NTM: variants seen among roughly 807,000 people sequenced by gnomAD.
NTM encodes IgLON family member 2.
In NTM, 13 loss-of-function variants were observed where a neutral mutation model predicts 42.1. The observed-to-expected ratio is 0.31, with a 90% CI of 0.20 to 0.49. The LOEUF (loss-of-function observed/expected upper bound fraction) is 0.49. NTM is among the 20% of genes least tolerant of loss of function. The pLI is 0.99. For synonymous variants in NTM, 187 were observed against 179.2 expected, an observed-to-expected ratio of 1.04 and a Z score of -0.35; for missense variants, 373 against 452.8, an observed-to-expected ratio of 0.82 and a Z score of 1.60.
intron 3 of NTM, among the ~76,000 whole-genome samples, chr11:132,178,434 A>G (rs2077121391): frequency 6.6e-6 from 1 of 152,202 alleles, no homozygotes; most frequent in African/African-American, 2.4e-5. Context: ...AAAAATTTAT[A>G]TTGACATTTA....
chr11:131,818,884 A>G (rs144196964), intron 1 of NTM, among the ~76,000 whole-genome samples: 1 of 152,280 alleles, frequency 6.6e-6, no homozygotes, highest in East Asian at 1.9e-4. Flanking sequence ...GTACACGGAA[A>G]AGGAACTCAG....
chr11:131,545,247 A>G (rs1450215335), intron 1 of NTM, among the ~76,000 whole-genome samples: 1 of 152,156 alleles, frequency 6.6e-6, no homozygotes, highest in East Asian at 1.9e-4. Context: ...TTATCTTACC[A>G]TCTTTTTAAA....
At chr11:131,711,504 G>C (rs1325636241) in intron 1 of NTM, among the ~76,000 whole-genome samples, 1 of 152,214 alleles carries the variant, frequency 6.6e-6, no homozygotes, top group Non-Finnish European at 1.5e-5. Flanking sequence ...AGGATGTGGA[G>C]AAATAGGAAC....
intron 3 of NTM, among the ~76,000 whole-genome samples, chr11:132,167,106 C>A (rs1344445607): frequency 6.6e-6 from 1 of 152,186 alleles, no homozygotes; most frequent in Non-Finnish European, 1.5e-5. Flanking sequence ...CTTATTCATT[C>A]ATTCAATAAA....
chr11:131,474,151 A>T (rs190433742), intron 1 of NTM, among the ~76,000 whole-genome samples: 1 of 152,190 alleles, frequency 6.6e-6, no homozygotes, highest in Admixed American at 6.5e-5. Flanking sequence ...AGAAATAATG[A>T]CCTCCTGTCC....
intron 1 of NTM, among the ~76,000 whole-genome samples, chr11:131,470,704 C>A (rs1356881287): frequency 6.6e-6 from 1 of 152,140 alleles, no homozygotes; most frequent in Non-Finnish European, 1.5e-5. Context: ...GGCTCACAGG[C>A]ACATGAGCAG....
chr11:131,536,192 G>C (rs986157108), intron 1 of NTM: 2 of 152,166 alleles, frequency 1.3e-5, no homozygotes, highest in African/African-American at 4.8e-5. Flanking sequence ...GATGGGCAGG[G>C]GTACAAGGTG....
intron 7 of NTM, among the ~76,000 whole-genome samples, chr11:132,328,832 A>T (rs1006830442): frequency 3.3e-5 from 5 of 152,106 alleles, no homozygotes; most frequent in African/African-American, 1.2e-4. Context: ...TTAGCTTCTG[A>T]ACTTGTTTCT....
chr11:131,765,398 C>A (rs1373373931), intron 1 of NTM, among the ~76,000 whole-genome samples: 1 of 152,200 alleles, frequency 6.6e-6, no homozygotes, highest in Non-Finnish European at 1.5e-5. Flanking sequence ...CCAGGTTCAA[C>A]CCCCATCTCT....
At chr11:131,831,814 C>G (rs1402209050) in intron 1 of NTM, among the ~76,000 whole-genome samples, 3 of 151,896 alleles carry the variant, frequency 2.0e-5, no homozygotes, top group Non-Finnish European at 2.9e-5. Context: ...CACTCTTTGA[C>G]TAGGCCAGTG....
At position 132,297,092 on chromosome 11, in the gene NTM, C is replaced by T. The variant is rs539352283; in HGVS notation, c.527-10597C>T. Among the ~76,000 whole-genome samples the T allele has an allele frequency of 2.6e-4, 40 of 152,278 alleles. 1 individual carries two copies. The highest frequency in any genetic ancestry group is 9.1e-4 in the African/African-American group (38 of 41,566). ...TTCTGTAGAATTGTGCTGTGGTTTCCCAAGTTATTCCCTTCTGCACATGGG... is the reference window on the plus strand; with the variant it reads ...TTCTGTAGAATTGTGCTGTGGTTTCTCAAGTTATTCCCTTCTGCACATGGG... On this transcript the variant is annotated intron_variant, in intron 4 of 8. Coordinates refer to ENST00000683400, the MANE Select transcript of NTM (RefSeq NM_001352005.2).
chr11:131,745,135 C>T (rs1389550954), intron 1 of NTM, among the ~76,000 whole-genome samples: 1 of 152,176 alleles, frequency 6.6e-6, no homozygotes, highest in African/African-American at 2.4e-5. Context: ...ATGGTGCTAC[C>T]AGAAACCACT....
At chr11:132,110,279 A>G (rs1473940900) in intron 2 of NTM, among the ~76,000 whole-genome samples, 1 of 152,376 alleles carries the variant, frequency 6.6e-6, no homozygotes, top group African/African-American at 2.4e-5. Context: ...GAATGATTAC[A>G]TAAGTGAATA....
intron 2 of NTM, among the ~76,000 whole-genome samples, chr11:132,097,460 C>T (rs1171074414): frequency 6.6e-6 from 1 of 152,220 alleles, no homozygotes; most frequent in Non-Finnish European, 1.5e-5. Flanking sequence ...TAAATCTCAT[C>T]AGGGAATGTC....
chr11:131,680,976 TC>T (rs2072601140), intron 1 of NTM, among the ~76,000 whole-genome samples: 3 of 39,550 alleles, frequency 7.6e-5, no homozygotes, highest in African/African-American at 1.9e-4. Context: ...TCTGTATGTC[TC>T]CCTGTGTGTG....
chr11:131,591,296 C>T (rs1341086117), intron 1 of NTM, among the ~76,000 whole-genome samples: 1 of 152,178 alleles, frequency 6.6e-6, no homozygotes, highest in Non-Finnish European at 1.5e-5. Context: ...TCCTGGGGGG[C>T]CCAGATCTGT....
intron 3 of NTM, among the ~76,000 whole-genome samples, chr11:132,205,219 A>G (rs1307645736): frequency 6.6e-6 from 1 of 152,144 alleles, no homozygotes; most frequent in Non-Finnish European, 1.5e-5. Flanking sequence ...GTAGATCTGC[A>G]TGCGCCGTGC....
intron 2 of NTM, among the ~76,000 whole-genome samples, chr11:132,125,387 TGTG>T: frequency 6.7e-6 from 1 of 149,084 alleles, no homozygotes; most frequent in Non-Finnish European, 1.5e-5. Context: ...TGGTGGTGTA[TGTG>T]GTATGTGGTA....
rs1197613919 is a variant in NTM at position 132,310,147 on chromosome 11, G to A, written c.697G>A (p.Val233Ile). Residue 233 changes from valine (V) to isoleucine (I), a missense_variant, in exon 6 of 9, where the codon GTC becomes ATC. Coordinates refer to ENST00000683400, the MANE Select transcript of NTM (RefSeq NM_001352005.2). The stretch of plus-strand genomic sequence containing the variant: ...CATTTCAGAAGCCAAGGGTACAGGT[G>A]TCCCCGTGGGACAAAAGGGGACACT... ...PYISEAKGTGVPVGQKGTLQC... is the reference protein window; with the variant it reads ...PYISEAKGTGIPVGQKGTLQC... 1 of 1,609,642 alleles carries A rather than the reference G, an allele frequency of 6.2e-7. No homozygotes were observed. Among genetic ancestry groups the A allele is most frequent in the East Asian group, 2.2e-5 (1 of 44,542 alleles).
Sources: allele counts gnomAD v4.1 joint callset (sites outside exome capture counted in the v4.1 genomes callset), GRCh38; gene constraint gnomAD v4.1.1; transcripts MANE v1.5; gene names NCBI Gene and HGNC (gene_info 2026-07-23, HGNC 2026-07-21).